NTNG2: variants seen among roughly 807,000 people sequenced by gnomAD.
The protein encoded by NTNG2 is netrin G2.
Under a neutral mutation model 47.6 loss-of-function variants are expected in NTNG2, and 15 were observed. The ratio of observed to expected loss-of-function variants is 0.32; its 90% confidence interval spans 0.21 to 0.49. The LOEUF (loss-of-function observed/expected upper bound fraction) is 0.49. Ranked by LOEUF, NTNG2 falls within the 20% of genes least tolerant of loss-of-function variation. The pLI is 0.99. For missense variants in NTNG2, 578 were observed against 764.6 expected (o/e 0.76, Z 2.88); for synonymous variants, 307 against 324.6 (o/e 0.95, Z 0.58).
chr9:132,195,614 A>G (rs1838249059), intron 2 of NTNG2, among the ~76,000 whole-genome samples: 1 of 150,242 alleles, frequency 6.7e-6, no homozygotes, highest in Non-Finnish European at 1.5e-5. Flanking sequence ...GGCGTGAGCC[A>G]CCGCGCCTGG....
intron 5 of NTNG2, among the ~76,000 whole-genome samples, chr9:132,234,568 T>G (rs1841482839): frequency 6.6e-6 from 1 of 152,082 alleles, no homozygotes; most frequent in Non-Finnish European, 1.5e-5. Flanking sequence ...TTGAACAGAG[T>G]CCAGCTGGGC....
chr9:132,184,511 A>C (rs1837189492), intron 2 of NTNG2, among the ~76,000 whole-genome samples: 1 of 152,226 alleles, frequency 6.6e-6, no homozygotes, highest in Admixed American at 6.5e-5. Flanking sequence ...GAGGAAAAGA[A>C]ATTTAAGCAG....
intron 2 of NTNG2, among the ~76,000 whole-genome samples, chr9:132,177,946 A>G (rs957726889): frequency 2.0e-5 from 3 of 152,174 alleles, no homozygotes; most frequent in African/African-American, 7.2e-5. Context: ...CGTGAGCCAC[A>G]GCGCCTGGCC....
intron 2 of NTNG2, among the ~76,000 whole-genome samples, chr9:132,194,525 C>T (rs1838135829): frequency 6.6e-6 from 1 of 152,242 alleles, no homozygotes; most frequent in Non-Finnish European, 1.5e-5. Flanking sequence ...CCATGTCCCT[C>T]TGCTGTCCTG....
intron 3 of NTNG2, among the ~76,000 whole-genome samples, chr9:132,199,561 G>T (rs1838582558): frequency 6.6e-6 from 1 of 152,194 alleles, no homozygotes; most frequent in Non-Finnish European, 1.5e-5. Flanking sequence ...TCAGTGTTCA[G>T]AGTTTTTACT....
At chr9:132,222,213 G>T (rs1433530445) in intron 3 of NTNG2, among the ~76,000 whole-genome samples, 1 of 152,192 alleles carries the variant, frequency 6.6e-6, no homozygotes, top group Non-Finnish European at 1.5e-5. Flanking sequence ...GATGTCAGGG[G>T]ATTTGGAGAG....
chr9:132,197,111 C>A lies in NTNG2; in HGVS notation c.214-855C>A, dbSNP rs1432276052. On this transcript the variant is annotated intron_variant, in intron 2 of 7. Transcript: ENST00000393229. The surrounding 1 kb of genome is among the most constrained non-coding windows in gnomAD (Gnocchi z 4.3). ...GGTACAGGTAAAAAGGCTCAGGGGC[C>A]GGGCGCAGTGGCTCACGTCTGCAAT... Among the ~76,000 whole-genome samples, 1 of 152,100 alleles carries A rather than the reference C, an allele frequency of 6.6e-6. No individual in the cohort carries two copies. The highest frequency in any genetic ancestry group is 1.9e-4 in the East Asian group (1 of 5,192).
intron 3 of NTNG2, among the ~76,000 whole-genome samples, chr9:132,220,094 G>A (rs1432459069): frequency 6.6e-6 from 1 of 152,210 alleles, no homozygotes; most frequent in Non-Finnish European, 1.5e-5. Context: ...TGGCTGTAAT[G>A]TTGAACATGT....
intron 7 of NTNG2, 130 bp downstream of exon 7, chr9:132,241,174 G>A (rs1841957300): frequency 8.2e-7 from 1 of 1,216,846 alleles, no homozygotes. Context: ...GGCAGGGCCG[G>A]GGAAGTGGGT....
rs1428562255 is a variant in NTNG2, at chr9:132,236,834, C to T, written c.1055-2270C>T. Among the ~76,000 whole-genome samples the T allele has an allele frequency of 6.6e-6, 1 of 152,320 alleles. No homozygotes were observed. Among genetic ancestry groups the T allele is most frequent in the Admixed American group, 6.5e-5 (1 of 15,308 alleles). ...ATTCTGGGCAGTGGAAGGCAGGTGC[C>T]GTCCGTGTTCCTGGCTTGACAGCAC... On this transcript the variant is annotated intron_variant, in intron 5 of 7. Transcript: ENST00000393229. This position sits in a 1 kb window ranked among gnomAD's most constrained non-coding sequence, Gnocchi z 4.3.
chr9:132,171,602 T>C (rs1835916580), intron 2 of NTNG2, among the ~76,000 whole-genome samples: 1 of 152,228 alleles, frequency 6.6e-6, no homozygotes, highest in Admixed American at 6.5e-5. Context: ...CTGCTTTAGC[T>C]TCTCTGTGCC....
rs914231226 is a variant in NTNG2, at chr9:132,215,968, C to T, written c.858-10881C>T. ...TGCTGAGCCCTCGAGGGTACCAGCT[C>T]AGCTTGCCCTTCCCTGACCCTTGAC... On this transcript the variant is annotated intron_variant, in intron 3 of 7. Transcript: ENST00000393229. The surrounding 1 kb of genome is among the most constrained non-coding windows in gnomAD (Gnocchi z 4.2). Among the ~76,000 whole-genome samples the T allele has an allele frequency of 4.6e-5, 7 of 152,190 alleles. No homozygotes were observed. Among genetic ancestry groups the T allele is most frequent in the African/African-American group, 1.7e-4 (7 of 41,444 alleles).
At chr9:132,234,070 G>A (rs930655284) in intron 5 of NTNG2, among the ~76,000 whole-genome samples, 9 of 147,062 alleles carry the variant, frequency 6.1e-5, no homozygotes, top group African/African-American at 1.3e-4. Context: ...TCTTGTCGCT[G>A]AGGCTGGAGT....
At chr9:132,171,583 A>G (rs1418358434) in intron 2 of NTNG2, among the ~76,000 whole-genome samples, 2 of 152,210 alleles carry the variant, frequency 1.3e-5, no homozygotes, top group Non-Finnish European at 2.9e-5. Context: ...CATCTTACTC[A>G]GTTAGAACCT....
chr9:132,238,496 C>G (rs1841780986), intron 5 of NTNG2, among the ~76,000 whole-genome samples: 1 of 152,212 alleles, frequency 6.6e-6, no homozygotes, highest in African/African-American at 2.4e-5. Flanking sequence ...AAGTGGCACT[C>G]ACTCTTAGCA....
intron 1 of NTNG2, among the ~76,000 whole-genome samples, chr9:132,165,708 A>G (rs1835462797): frequency 6.6e-6 from 1 of 152,162 alleles, no homozygotes; most frequent in Non-Finnish European, 1.5e-5. Flanking sequence ...TTTTAAAGCA[A>G]CCATTAAATC....
At chr9:132,188,789 G>A (rs1051803108) in intron 2 of NTNG2, among the ~76,000 whole-genome samples, 9 of 152,326 alleles carry the variant, frequency 5.9e-5, no homozygotes, top group South Asian at 4.1e-4. Context: ...GCCAGTGCTA[G>A]TAACCTCATT....
intron 3 of NTNG2, among the ~76,000 whole-genome samples, chr9:132,216,885 G>T (rs993919245): frequency 2.6e-5 from 4 of 152,234 alleles, no homozygotes; most frequent in Non-Finnish European, 1.5e-5. Context: ...TTCTGTGGCT[G>T]CATTTCCTTG....
At chr9:132,232,430 C>G (rs879475266) in intron 5 of NTNG2, 1 of 152,480 alleles carries the variant, frequency 6.6e-6, no homozygotes, top group Non-Finnish European at 1.5e-5. Context: ...GTCCTGCCCC[C>G]TCAGGGGTCT....
Sources: allele counts gnomAD v4.1 joint callset (sites outside exome capture counted in the v4.1 genomes callset), GRCh38; gene constraint gnomAD v4.1.1; non-coding constraint Gnocchi (gnomAD v3.1); transcripts MANE v1.5; gene names NCBI Gene and HGNC (gene_info 2026-07-23, HGNC 2026-07-21).